SPIRE1: variants seen among roughly 807,000 people sequenced by gnomAD.
SPIRE1 encodes protein spire homolog 1.
In SPIRE1, 40 loss-of-function variants were observed where a neutral mutation model predicts 94.1. The observed-to-expected ratio is 0.43, with a 90% CI of 0.33 to 0.55. The LOEUF is 0.55. SPIRE1 is among the 20% of genes least tolerant of loss of function. The pLI is 0.06. For missense variants in SPIRE1, 838 were observed against 975.2 expected, an observed-to-expected ratio of 0.86 and a Z score of 1.87; for synonymous variants, 376 against 371.7, an observed-to-expected ratio of 1.01 and a Z score of -0.13.
chr18:12,512,225 G>A (rs578068381), intron 5 of SPIRE1, among the ~76,000 whole-genome samples: 3 of 152,156 alleles, frequency 2.0e-5, no homozygotes, highest in East Asian at 1.9e-4. Flanking sequence ...TTAGCCAGGC[G>A]TGGTGGCACA....
intron 1 of SPIRE1, among the ~76,000 whole-genome samples, chr18:12,651,842 CA>C (rs1380023659): frequency 6.6e-6 from 1 of 152,128 alleles, no homozygotes; most frequent in Non-Finnish European, 1.5e-5. Flanking sequence ...AAAACCCAAA[CA>C]AAGCCTGAAT....
rs939289027 is a variant in SPIRE1 at position 12,447,608 on chromosome 18, C to T, written c.*2030G>A. The T allele has an allele frequency of 3.3e-5, 5 of 152,164 alleles. No homozygotes were observed. Among genetic ancestry groups the T allele is most frequent in the African/African-American group, 1.2e-4 (5 of 41,438 alleles). 9.4% of individuals were successfully genotyped at this position (152,164 alleles called of 1,614,324 possible). On this transcript the variant is annotated 3_prime_UTR_variant, in exon 17 of 17. Transcript: ENST00000409402. ...ATGCACTTGGCAAACTCCGTTAATG[C>T]TGTTGAAGAATGTATGTTCTGTGCT...
rs147268504 is a variant in SPIRE1, at chr18:12,600,025, G to A, written c.372+35037C>T. On this transcript the variant is annotated intron_variant, in intron 2 of 16. Coordinates refer to ENST00000409402, the MANE Select transcript of SPIRE1 (RefSeq NM_001128626.2). ...TGGCTGTGAGGGAGCAAGTGGCCACGTTGGGAACCCACATGGCAAAGGAAC... is the reference window on the plus strand; with the variant it reads ...TGGCTGTGAGGGAGCAAGTGGCCACATTGGGAACCCACATGGCAAAGGAAC... 1.8e-3 allele frequency among the ~76,000 whole-genome samples: 277 copies of A among 151,130 alleles called. 1 individual carries two copies. The highest frequency in any genetic ancestry group is 6.4e-3 in the African/African-American group (264 of 41,138).
chr18:12,463,892 G>C lies in SPIRE1; in HGVS notation c.1496-399C>G, dbSNP rs138860148. Among the ~76,000 whole-genome samples, 169 of 152,278 alleles carry C rather than the reference G, an allele frequency of 1.1e-3. 1 individual carries two copies. The highest frequency in any genetic ancestry group is 6.2e-3 in the East Asian group (32 of 5,194). Reference sequence around the variant, plus strand: ...TTTAAACTGCAAAAAGTAAGCTTCAGCTTTGATGTTAATATTGTACCATTG... The same window carrying C: ...TTTAAACTGCAAAAAGTAAGCTTCACCTTTGATGTTAATATTGTACCATTG... On this transcript the variant is annotated intron_variant, in intron 11 of 16. Coordinates refer to ENST00000409402, the MANE Select transcript of SPIRE1 (RefSeq NM_001128626.2).
intron 2 of SPIRE1, among the ~76,000 whole-genome samples, chr18:12,621,881 C>CA (rs531359923): frequency 2.0e-5 from 3 of 152,154 alleles, no homozygotes; most frequent in Admixed American, 2.0e-4. Context: ...GAAACATCAT[C>CA]AAAAAATTAG....
intron 7 of SPIRE1, 98 bp from the exon 8 acceptor site, chr18:12,493,299 C>T: frequency 9.2e-7 from 1 of 1,084,994 alleles, no homozygotes; most frequent in South Asian, 1.7e-5. Context: ...ATTTCATTGA[C>T]TGGAACACTG....
chr18:12,509,823 C>G (rs1266878758), intron 5 of SPIRE1, among the ~76,000 whole-genome samples: 1 of 152,124 alleles, frequency 6.6e-6, no homozygotes, highest in African/African-American at 2.4e-5. Context: ...AGGCTCATAC[C>G]TGTAATCCCA....
intron 4 of SPIRE1, among the ~76,000 whole-genome samples, chr18:12,533,872 T>G (rs1026475261): frequency 4.0e-5 from 6 of 151,870 alleles, no homozygotes; most frequent in Non-Finnish European, 7.4e-5. Context: ...ATGTTCACTT[T>G]GAAGCTTTTA....
intron 2 of SPIRE1, among the ~76,000 whole-genome samples, chr18:12,581,772 G>A (rs2036264304): frequency 6.6e-6 from 1 of 152,086 alleles, no homozygotes; most frequent in Admixed American, 6.5e-5. Context: ...GCTGAGGCAT[G>A]AGAATCGCTA....
chr18:12,569,521 A>G, intron 2 of SPIRE1, among the ~76,000 whole-genome samples: 1 of 152,078 alleles, frequency 6.6e-6, no homozygotes, highest in Non-Finnish European at 1.5e-5. Flanking sequence ...CTACCAGAAA[A>G]ATGACTGAAA....
intron 8 of SPIRE1, 81 bp downstream of exon 8, chr18:12,492,991 T>G: frequency 6.8e-7 from 1 of 1,464,366 alleles, no homozygotes. Context: ...TGAGAACTCT[T>G]TACTTTCATG....
upstream of SPIRE1, among the ~76,000 whole-genome samples, chr18:12,661,025 T>C (rs1274139306): frequency 1.3e-5 from 2 of 152,214 alleles, no homozygotes; most frequent in Non-Finnish European, 2.9e-5. Context: ...TTTGATAAGC[T>C]GGCCAGGCAT....
chr18:12,519,401 C>T, intron 4 of SPIRE1, among the ~76,000 whole-genome samples: 1 of 152,106 alleles, frequency 6.6e-6, no homozygotes, highest in Admixed American at 6.6e-5. Context: ...AATGTCTCTG[C>T]TCTATACAGC....
At chr18:12,589,277 T>C (rs1451925645) in intron 2 of SPIRE1, among the ~76,000 whole-genome samples, 2 of 152,274 alleles carry the variant, frequency 1.3e-5, no homozygotes, top group East Asian at 1.9e-4. Context: ...TCTTTCTCCA[T>C]AGCCCATGAA....
chr18:12,598,494 C>G (rs1416541599), intron 2 of SPIRE1, among the ~76,000 whole-genome samples: 4 of 151,876 alleles, frequency 2.6e-5, no homozygotes, highest in African/African-American at 9.7e-5. Flanking sequence ...TTCACCAGAC[C>G]AAATTAACTA....
Position 12,559,892 on chromosome 18 carries a change from C to T in SPIRE1, c.373-12988G>A, listed in dbSNP as rs2144385721. 6.6e-6 allele frequency among the ~76,000 whole-genome samples: 1 copy of T among 152,220 alleles called. No individual in the cohort carries two copies. Among genetic ancestry groups the T allele is most frequent in the South Asian group, 2.1e-4 (1 of 4,824 alleles). ...CAATATATAAGGACCTCAAACAATT[C>T]TATAGGAAAAAATCTAATAATCTGA... On this transcript the variant is annotated intron_variant, in intron 2 of 16. Coordinates refer to ENST00000409402, the MANE Select transcript of SPIRE1 (RefSeq NM_001128626.2). The surrounding 1 kb of genome is among the most constrained non-coding windows in gnomAD (Gnocchi z 4.7).
intron 10 of SPIRE1, among the ~76,000 whole-genome samples, chr18:12,466,039 G>A (rs149993885): frequency 2.0e-5 from 3 of 151,028 alleles, no homozygotes; most frequent in East Asian, 2.0e-4. Flanking sequence ...AGCTGAGATC[G>A]CATCACTGCA....
intron 2 of SPIRE1, among the ~76,000 whole-genome samples, chr18:12,621,522 T>C (rs756646282): frequency 8.5e-5 from 13 of 152,204 alleles, no homozygotes; most frequent in Non-Finnish European, 1.6e-4. Context: ...ATCCATACTA[T>C]GGAATATTTG....
chr18:12,584,518 C>G (rs1360975318), intron 2 of SPIRE1, among the ~76,000 whole-genome samples: 3 of 152,080 alleles, frequency 2.0e-5, no homozygotes, highest in Non-Finnish European at 4.4e-5. Context: ...ATGAACTTGC[C>G]TGTACCAAAT....
Sources: allele counts gnomAD v4.1 joint callset (sites outside exome capture counted in the v4.1 genomes callset), GRCh38; gene constraint gnomAD v4.1.1; non-coding constraint Gnocchi (gnomAD v3.1); transcripts MANE v1.5; gene names NCBI Gene and HGNC (gene_info 2026-07-23, HGNC 2026-07-21).